Variants in CHL1 observed in about 807,000 individuals in gnomAD.
The protein encoded by CHL1 is neural cell adhesion molecule L1-like protein.
CHL1 carries 96 observed loss-of-function variants against 141.9 expected under a neutral mutation model. The ratio of observed to expected loss-of-function variants is 0.68; its 90% confidence interval spans 0.57 to 0.80. The LOEUF (loss-of-function observed/expected upper bound fraction) is 0.80. Among genes scored for constraint, CHL1 ranks in the 30% least tolerant of loss-of-function variants. The probability of loss-of-function intolerance (pLI) is 0.00; values close to 1 mark genes in which losing one functional copy is unlikely to be tolerated. For missense variants in CHL1, 1,820 were observed against 1,457.2 expected (o/e 1.25, Z -4.05); for synonymous variants, 613 against 502.2 (o/e 1.22, Z -2.95).
chr3:360,924 T>C (rs1301594796), intron 12 of CHL1, among the ~76,000 whole-genome samples: 1 of 151,386 alleles, frequency 6.6e-6, no homozygotes, highest in Admixed American at 6.6e-5. Context: ...CATGAACTCA[T>C]CATTTTTTAT....
At chr3:275,807 C>T (rs1291784465) in intron 2 of CHL1, among the ~76,000 whole-genome samples, 2 of 151,922 alleles carry the variant, frequency 1.3e-5, no homozygotes, top group Admixed American at 6.6e-5. Flanking sequence ...GAAAAGAATG[C>T]TAGTGCAAAG....
chr3:241,224 T>C (rs1272666859), intron 1 of CHL1, among the ~76,000 whole-genome samples: 1 of 152,200 alleles, frequency 6.6e-6, no homozygotes, highest in African/African-American at 2.4e-5. Context: ...ATTTATCTTA[T>C]AAATAGCTTA....
At chr3:205,103 T>TCTTTC (rs532733035) in intron 1 of CHL1, among the ~76,000 whole-genome samples, 9,893 of 49,714 alleles carry the variant, frequency 0.2, 464 homozygotes, top group Middle Eastern at 0.38. Flanking sequence ...TTTCTTTCTT[T>TCTTTC]CTTTTTTTTT....
chr3:367,005 G>C (rs1704984953), intron 15 of CHL1, among the ~76,000 whole-genome samples: 1 of 152,178 alleles, frequency 6.6e-6, no homozygotes, highest in Non-Finnish European at 1.5e-5. Context: ...AGAGAGTACT[G>C]AGAAGTACAC....
intron 3 of CHL1, among the ~76,000 whole-genome samples, chr3:322,645 A>AATATATATATATATATATAAAAT: frequency 1.5e-5 from 2 of 130,210 alleles, no homozygotes; most frequent in African/African-American, 5.9e-5. Flanking sequence ...ATATATATAA[A>AATATATATATATATATATAAAAT]ATATATATAT....
chr3:239,034 G>T (rs1284426012), intron 1 of CHL1, among the ~76,000 whole-genome samples: 1 of 152,074 alleles, frequency 6.6e-6, no homozygotes, highest in Non-Finnish European at 1.5e-5. Flanking sequence ...AGCTGTCAAG[G>T]TTCATATGCT....
chr3:225,055 A>G (rs537918004), intron 1 of CHL1, among the ~76,000 whole-genome samples: 55 of 152,102 alleles, frequency 3.6e-4, no homozygotes, highest in Non-Finnish European at 7.4e-4. Flanking sequence ...GAACACTTGA[A>G]CTCAGGAGGC....
At chr3:343,081 A>T (rs780187207) in intron 8 of CHL1, 50 bp downstream of exon 8, 10 of 1,447,140 alleles carry the variant, frequency 6.9e-6, no homozygotes, top group East Asian at 2.4e-5. Context: ...GCTCATTGTC[A>T]TCTCAGATTT....
At chr3:256,619 T>C (rs1038453928) in intron 2 of CHL1, among the ~76,000 whole-genome samples, 14 of 152,186 alleles carry the variant, frequency 9.2e-5, no homozygotes, top group African/African-American at 3.4e-4. Flanking sequence ...GACAACTGAA[T>C]GCCCAAAAAG....
intron 5 of CHL1, among the ~76,000 whole-genome samples, chr3:332,502 C>A (rs977900216): frequency 6.6e-6 from 1 of 152,110 alleles, no homozygotes; most frequent in African/African-American, 2.4e-5. Flanking sequence ...AATGGATTTC[C>A]ATTGTGTTTC....
chr3:359,502 C>T (rs1704020104), intron 11 of CHL1, among the ~76,000 whole-genome samples: 2 of 151,954 alleles, frequency 1.3e-5, no homozygotes, highest in African/African-American at 4.8e-5. Flanking sequence ...AGGGTTTTGC[C>T]GTGTTGGCTA....
chr3:276,844 A>T (rs141167078), intron 2 of CHL1, among the ~76,000 whole-genome samples: 2 of 143,882 alleles, frequency 1.4e-5, no homozygotes, highest in Admixed American at 1.5e-4. Flanking sequence ...AGCCGAGATC[A>T]TGCCACTGCA....
Position 391,059 on chromosome 3 carries a change from C to T in CHL1, c.2691C>T (p.Ser897=), listed in dbSNP as rs761597060. ...SGQRNSGMVP[S]LDAFSEFHLT... Reference sequence around the variant, plus strand: ...AAAGAAACTCTGGAATGGTTCCTTCCTTAGATGCCTTTAGTGAATTTCATT... The same window carrying T: ...AAAGAAACTCTGGAATGGTTCCTTCTTTAGATGCCTTTAGTGAATTTCATT... The change falls in exon 22 of 28, where the codon TCC becomes TCT. Residue 897 remains serine, a synonymous_variant. Coordinates refer to ENST00000256509, the MANE Select transcript of CHL1 (RefSeq NM_006614.4). The T allele has an allele frequency of 5.2e-5, 84 of 1,613,598 alleles. No homozygotes were observed. The highest frequency in any genetic ancestry group is 6.8e-5 in the Non-Finnish European group (80 of 1,179,652).
At chr3:331,381 T>C (rs1018863817) in intron 5 of CHL1, among the ~76,000 whole-genome samples, 1 of 151,926 alleles carries the variant, frequency 6.6e-6, no homozygotes, top group Non-Finnish European at 1.5e-5. Context: ...TACAGGCGAG[T>C]GCTACCGTGC....
chr3:258,338 C>A lies in CHL1; in HGVS notation c.-95+13646C>A, dbSNP rs184128451. ...TCAGATGTCCTTCACTTCAACCACT[C>A]TTGGGATACTGAAGGGTATTGCCAT... On this transcript the variant is annotated intron_variant, in intron 2 of 27. Transcript: ENST00000256509. Among the ~76,000 whole-genome samples, 18 of 152,340 alleles carry A rather than the reference C, an allele frequency of 1.2e-4. No individual in the cohort carries two copies. The East Asian group carries it at 3.1e-3, about 26-fold the overall frequency.
chr3:340,311 A>G (rs1310237167), intron 5 of CHL1, among the ~76,000 whole-genome samples: 2 of 152,130 alleles, frequency 1.3e-5, no homozygotes, highest in African/African-American at 4.8e-5. Context: ...CATTTTCTCC[A>G]TATGGGCTGG....
At position 406,407 on chromosome 3, in the gene CHL1, T is replaced by C. The variant is rs1709535618; in HGVS notation, c.*696T>C. 2 of 151,766 alleles carry C rather than the reference T, an allele frequency of 1.3e-5. No individual in the cohort carries two copies. Among genetic ancestry groups the C allele is most frequent in the African/African-American group, 4.8e-5 (2 of 41,366 alleles). The allele number at this position is 151,766 out of a possible 1,614,324, so 9.4% of individuals were successfully genotyped here. On this transcript the variant is annotated 3_prime_UTR_variant, in exon 28 of 28. Transcript: ENST00000256509. ...GCATCACTTTTTGTGTCTGTTTTTT[T>C]TTTTTTTCTTGGACTAAATTCAACT...
intron 5 of CHL1, among the ~76,000 whole-genome samples, chr3:329,306 T>C (rs71306201): frequency 5.1e-4 from 77 of 152,186 alleles, no homozygotes; most frequent in Non-Finnish European, 9.4e-4. Flanking sequence ...AAGAAAGTCC[T>C]AGGACTTGCA....
Position 406,525 on chromosome 3 carries a change from C to T in CHL1, c.*814C>T, listed in dbSNP as rs1709543538. On this transcript the variant is annotated 3_prime_UTR_variant, in exon 28 of 28. Coordinates refer to ENST00000256509, the MANE Select transcript of CHL1 (RefSeq NM_006614.4). Reference sequence around the variant, plus strand: ...TCTAATAGCTACATCTACTTAATATCTTCATTTCTAAATTGACTGCTTTTA... The same window carrying T: ...TCTAATAGCTACATCTACTTAATATTTTCATTTCTAAATTGACTGCTTTTA... 4.6e-5 allele frequency: 7 copies of T among 151,856 alleles called. No individual in the cohort carries two copies. The highest frequency in any genetic ancestry group is 4.6e-4 in the Admixed American group (7 of 15,234). The allele number at this position is 151,856 out of a possible 1,614,324, so 9.4% of individuals were successfully genotyped here.
Sources: gnomAD v4.1 joint callset for allele counts (sites outside exome capture counted in the v4.1 genomes callset) on GRCh38, gnomAD v4.1.1 for gene constraint, MANE v1.5 for transcripts, NCBI Gene and HGNC (gene_info 2026-07-23, HGNC 2026-07-21) for gene names.